Variants in SDHC observed in about 807,000 individuals in gnomAD.
SDHC encodes the protein succinate dehydrogenase cytochrome b560 subunit, mitochondrial.
In SDHC, 11 loss-of-function variants were observed where a neutral mutation model predicts 22.6. That is an observed-to-expected ratio of 0.49 (90% CI 0.31 to 0.81). SDHC has a LOEUF of 0.81. SDHC is among the 30% of genes least tolerant of loss of function. SDHC has a pLI of 0.05. For missense variants in SDHC, 160 were observed against 212.0 expected, an observed-to-expected ratio of 0.75 and a Z score of 1.52; for synonymous variants, 80 against 77.8, an observed-to-expected ratio of 1.03 and a Z score of -0.15.
chr1:161,323,791 G>A, intron 2 of SDHC, 121 bp downstream of exon 2: 1 of 658,954 alleles, frequency 1.5e-6, no homozygotes, highest in Non-Finnish European at 2.5e-6. Context: ...CGCCTCTTGG[G>A]TTCACGCCAT....
intron 4 of SDHC, among the ~76,000 whole-genome samples, chr1:161,342,664 C>T (rs1671763225): frequency 6.6e-6 from 1 of 152,010 alleles, no homozygotes. Context: ...TTACAGGCGC[C>T]CACCACCATT....
intron 3 of SDHC, among the ~76,000 whole-genome samples, chr1:161,339,075 C>T (rs545789883): frequency 3.2e-4 from 49 of 152,326 alleles, no homozygotes; most frequent in Non-Finnish European, 4.9e-4. Flanking sequence ...GTCTCGAACA[C>T]CTGACCTCAT....
At chr1:161,319,789 G>C (rs767130191) in intron 1 of SDHC, among the ~76,000 whole-genome samples, 9 of 152,106 alleles carry the variant, frequency 5.9e-5, no homozygotes, top group Non-Finnish European at 1.2e-4. Flanking sequence ...AGGCTCTGAG[G>C]GAGGCTCTAT....
chr1:161,332,001 G>T (rs761854026), intron 3 of SDHC, among the ~76,000 whole-genome samples: 15 of 152,028 alleles, frequency 9.9e-5, no homozygotes, highest in Non-Finnish European at 2.1e-4. Flanking sequence ...AAGAGACAGG[G>T]TTTCACTGTG....
intron 4 of SDHC, among the ~76,000 whole-genome samples, chr1:161,352,847 C>T (rs1226120618): frequency 6.6e-6 from 1 of 152,058 alleles, no homozygotes; most frequent in African/African-American, 2.4e-5. Flanking sequence ...CGTGGTGGCA[C>T]ACACCCGTAG....
chr1:161,339,477 C>A, intron 3 of SDHC: 1 of 690,810 alleles, frequency 1.4e-6, no homozygotes, highest in Non-Finnish European at 2.1e-6. Context: ...GCCACCATGC[C>A]AGCTCCAACT....
chr1:161,354,663 TTGTGTGTGTGTGTGTGTG>T (rs60151629), intron 4 of SDHC, among the ~76,000 whole-genome samples: 1,309 of 116,624 alleles, frequency 0.011, 25 homozygotes, highest in African/African-American at 0.04. Context: ...TCTTATTTCT[TTGTGTGTGTGTGTGTGTG>T]TGTGTGTGTG....
At chr1:161,350,152 C>G (rs1258748819) in intron 4 of SDHC, among the ~76,000 whole-genome samples, 1 of 152,158 alleles carries the variant, frequency 6.6e-6, no homozygotes, top group Non-Finnish European at 1.5e-5. Context: ...ACAGGTGATC[C>G]ACCTGCCTTG....
intron 3 of SDHC, among the ~76,000 whole-genome samples, chr1:161,334,717 C>CCGTAA (rs377174192): frequency 0.12 from 17,662 of 151,830 alleles, 1,399 homozygotes; most frequent in African/African-American, 0.21. Flanking sequence ...GGGATTACGG[C>CCGTAA]TCACTCCCTC....
intron 3 of SDHC, among the ~76,000 whole-genome samples, chr1:161,330,153 C>T (rs979639571): frequency 1.3e-5 from 2 of 152,178 alleles, no homozygotes; most frequent in Non-Finnish European, 2.9e-5. Context: ...ATGTCTGTCC[C>T]ATGACAAAAT....
chr1:161,356,973 C>G, intron 5 of SDHC, 133 bp downstream of exon 5: 1 of 922,658 alleles, frequency 1.1e-6, no homozygotes, highest in South Asian at 1.4e-5. Flanking sequence ...CTCTATTGCC[C>G]AGGCTGGAGT....
intron 3 of SDHC, among the ~76,000 whole-genome samples, chr1:161,332,979 T>C (rs907291534): frequency 2.0e-5 from 3 of 152,220 alleles, no homozygotes; most frequent in Admixed American, 2.0e-4. Context: ...CTACATTTCT[T>C]AGCCATCACC....
At chr1:161,359,601 T>C (rs4634927) in intron 5 of SDHC, among the ~76,000 whole-genome samples, 57,707 of 152,088 alleles carry the variant, frequency 0.38, 12,235 homozygotes, top group African/African-American at 0.58. Context: ...GGAGGTTTTA[T>C]AAAATTGCAG....
chr1:161,338,339 A>G (rs1480274357), intron 3 of SDHC, among the ~76,000 whole-genome samples: 1 of 152,156 alleles, frequency 6.6e-6, no homozygotes, highest in African/African-American at 2.4e-5. Context: ...ATGTAGGCAG[A>G]ATTTTCTTTT....
At chr1:161,339,414 G>C in intron 3 of SDHC, 1 of 251,268 alleles carries the variant, frequency 4.0e-6, no homozygotes. Flanking sequence ...TTGAACTCCT[G>C]AACTCAACGG....
chr1:161,315,838 A>G (rs1054728536), intron 1 of SDHC, among the ~76,000 whole-genome samples: 2 of 152,182 alleles, frequency 1.3e-5, no homozygotes, highest in African/African-American at 4.8e-5. Context: ...GGCGTTCAGC[A>G]TACAGAGGAT....
chr1:161,323,698 A>ATTT lies in SDHC; in HGVS notation c.77+29_77+31dup, dbSNP rs371604278. 1,042 of 1,525,744 alleles carry ATTT rather than the reference A, an allele frequency of 6.8e-4. 8 individuals are homozygous for ATTT. In the African/African-American group the frequency reaches 0.014, roughly 21 times the overall value. The allele number at this position is 1,525,744 out of a possible 1,614,324, so 94.5% of individuals were successfully genotyped here. ...AAGTTTCTAAGTCTGGAGATTATTT[A>ATTT]TTTATTTTTTTTTTTGAGACGGAGT... On this transcript the variant is annotated intron_variant, in intron 2 of 5. Transcript: ENST00000367975.
At chr1:161,328,968 C>G (rs1027544572) in intron 3 of SDHC, among the ~76,000 whole-genome samples, 8 of 151,466 alleles carry the variant, frequency 5.3e-5, no homozygotes, top group African/African-American at 1.9e-4. Flanking sequence ...AGTGTAGTGG[C>G]GCGATCTCAG....
chr1:161,333,593 G>T (rs373397276), intron 3 of SDHC, among the ~76,000 whole-genome samples: 2 of 152,068 alleles, frequency 1.3e-5, no homozygotes, highest in East Asian at 3.9e-4. Flanking sequence ...TAATAGAGAC[G>T]GGGTTTCACC....
Sources: gnomAD v4.1 joint callset for allele counts (sites outside exome capture counted in the v4.1 genomes callset) on GRCh38, gnomAD v4.1.1 for gene constraint, MANE v1.5 for transcripts, NCBI Gene and HGNC (gene_info 2026-07-23, HGNC 2026-07-21) for gene names.